The following PRKD1 variants were observed in gnomAD, a reference collection of about 807,000 sequenced individuals.
PRKD1 encodes the protein protein kinase D1.
A neutral mutation model predicts 95.9 loss-of-function variants in PRKD1; 63 were observed. The ratio of observed to expected loss-of-function variants is 0.66; its 90% confidence interval spans 0.54 to 0.81. The LOEUF (loss-of-function observed/expected upper bound fraction) is 0.81, where lower values mean the gene tolerates loss of function less well. PRKD1 is among the 30% of genes least tolerant of loss of function. The pLI, the probability that PRKD1 is intolerant of heterozygous loss-of-function variation, is 0.00. For synonymous variants in PRKD1, 425 were observed against 423.1 expected (o/e 1.00, Z -0.05); for missense variants, 1,048 against 1,165.3 (o/e 0.90, Z 1.47).
chr14:29,725,262 C>G (rs568387410), intron 2 of PRKD1, among the ~76,000 whole-genome samples: 5 of 152,232 alleles, frequency 3.3e-5, no homozygotes, highest in Admixed American at 2.0e-4. Flanking sequence ...ATTCAAGGTG[C>G]TGAATGACGC....
chr14:29,719,183 G>T (rs1469695376), intron 2 of PRKD1, among the ~76,000 whole-genome samples: 1 of 152,074 alleles, frequency 6.6e-6, no homozygotes, highest in Non-Finnish European at 1.5e-5. Context: ...GTGACCCTAA[G>T]ACACTATTTC....
intron 4 of PRKD1, among the ~76,000 whole-genome samples, chr14:29,645,249 A>G (rs1881049395): frequency 1.3e-5 from 2 of 152,186 alleles, no homozygotes; most frequent in Non-Finnish European, 2.9e-5. Context: ...GATATGCAGG[A>G]TATCATGAAC....
chr14:29,634,341 C>T, intron 8 of PRKD1, 77 bp downstream of exon 8: 1 of 1,601,772 alleles, frequency 6.2e-7, no homozygotes, highest in Non-Finnish European at 8.5e-7. Flanking sequence ...AGAAATCTCA[C>T]AGTCCTCACG....
intron 2 of PRKD1, among the ~76,000 whole-genome samples, chr14:29,666,462 C>CA (rs1441083372): frequency 3.3e-5 from 5 of 151,060 alleles, no homozygotes; most frequent in South Asian, 2.1e-4. Flanking sequence ...TAAAAACAGC[C>CA]AAAAAAATAG....
intron 1 of PRKD1, among the ~76,000 whole-genome samples, chr14:29,764,902 T>A (rs1193466625): frequency 6.6e-6 from 1 of 152,212 alleles, no homozygotes. Flanking sequence ...AGTCTCAGAC[T>A]GACAAAGATT....
chr14:29,787,376 T>C (rs970923091), intron 1 of PRKD1, among the ~76,000 whole-genome samples: 2 of 152,042 alleles, frequency 1.3e-5, no homozygotes, highest in South Asian at 4.1e-4. Flanking sequence ...TTAAGTCCAA[T>C]GTTACTTTGC....
intron 2 of PRKD1, among the ~76,000 whole-genome samples, chr14:29,682,964 C>T (rs996688991): frequency 3.9e-5 from 6 of 152,076 alleles, no homozygotes; most frequent in Admixed American, 1.3e-4. Flanking sequence ...AGAGCAAAGC[C>T]GGAAGGGGAG....
rs1241134038 is a variant in PRKD1 at position 29,665,942 on chromosome 14, T to C, written c.535+135A>G. On this transcript the variant is annotated intron_variant, in intron 3 of 17. Transcript: ENST00000331968. The stretch of plus-strand genomic sequence containing the variant: ...ATATGTGCGTATATATATGTATATA[T>C]GTACCACATTTTCTTTATCCACTCA... The C allele has an allele frequency of 3.3e-6, 3 of 921,292 alleles. No individual in the cohort carries two copies. In the African/African-American group the frequency reaches 5.0e-5, roughly 15 times the overall value. 57.1% of individuals were successfully genotyped at this position (921,292 alleles called of 1,614,324 possible). A position where few individuals can be genotyped will look rare whatever the true frequency, so the allele number is the denominator to read the frequency against.
At chr14:29,581,116 T>C (rs1892742470) in intron 16 of PRKD1, among the ~76,000 whole-genome samples, 1 of 152,150 alleles carries the variant, frequency 6.6e-6, no homozygotes. Context: ...AATGGAAAAC[T>C]TTATTCTATA....
At chr14:29,911,336 T>TA (rs1894706061) in intron 1 of PRKD1, among the ~76,000 whole-genome samples, 1 of 152,200 alleles carries the variant, frequency 6.6e-6, no homozygotes, top group Admixed American at 6.5e-5. Flanking sequence ...TCAAATCTGT[T>TA]AGACTTATTA....
At chr14:29,640,603 T>C (rs1880694264) in intron 4 of PRKD1, among the ~76,000 whole-genome samples, 1 of 152,190 alleles carries the variant, frequency 6.6e-6, no homozygotes, top group Non-Finnish European at 1.5e-5. Flanking sequence ...CATGAATATA[T>C]TGAATAAATA....
chr14:29,624,388 GCA>G, intron 12 of PRKD1, 130 bp from the exon 13 acceptor site: 1 of 512,672 alleles, frequency 2.0e-6, no homozygotes, highest in East Asian at 3.3e-5. Context: ...TTTCTAAAGA[GCA>G]CTGACTTACA....
At chr14:29,730,695 TA>T (rs1731922105) in intron 1 of PRKD1, among the ~76,000 whole-genome samples, 1 of 152,036 alleles carries the variant, frequency 6.6e-6, no homozygotes, top group Non-Finnish European at 1.5e-5. Flanking sequence ...CACTCAACCT[TA>T]GAAAGAAATA....
At chr14:29,724,270 A>G (rs1886038741) in intron 2 of PRKD1, among the ~76,000 whole-genome samples, 1 of 152,192 alleles carries the variant, frequency 6.6e-6, no homozygotes, top group Admixed American at 6.6e-5. Context: ...ACATTGACAC[A>G]AGGCAAAAGG....
At position 29,758,179 on chromosome 14, in the gene PRKD1, G is replaced by C. The variant is rs45569241; in HGVS notation, c.265-32505C>G. 3.9e-3 allele frequency among the ~76,000 whole-genome samples: 575 copies of C among 145,616 alleles called. 5 individuals are homozygous for C. Among genetic ancestry groups the C allele is most frequent in the African/African-American group, 0.014 (528 of 38,826 alleles). On this transcript the variant is annotated intron_variant, in intron 1 of 17. Transcript: ENST00000331968. ...TACCAAGAGAGGGAGATTAAAGCAT[G>C]GAAGAGAGAAAGAAAAAAAAAAAAG...
At chr14:29,746,178 C>T (rs976779277) in intron 1 of PRKD1, among the ~76,000 whole-genome samples, 11 of 147,706 alleles carry the variant, frequency 7.4e-5, no homozygotes, top group Non-Finnish European at 1.1e-4. Context: ...TTTGGTGCCA[C>T]TGTGGGAATT....
chr14:29,874,030 A>T (rs985128906), intron 1 of PRKD1, among the ~76,000 whole-genome samples: 2 of 152,182 alleles, frequency 1.3e-5, no homozygotes, highest in African/African-American at 4.8e-5. Context: ...GAGTTCTAAC[A>T]TTCTTCACAA....
intron 1 of PRKD1, among the ~76,000 whole-genome samples, chr14:29,866,015 A>G (rs1346597927): frequency 1.3e-5 from 2 of 152,206 alleles, no homozygotes; most frequent in African/African-American, 4.8e-5. Flanking sequence ...TTTTTAAAAA[A>G]TCTATAATTT....
At chr14:29,717,985 T>C (rs1378878769) in intron 2 of PRKD1, among the ~76,000 whole-genome samples, 1 of 152,090 alleles carries the variant, frequency 6.6e-6, no homozygotes, top group African/African-American at 2.4e-5. Context: ...CCAAGAAAAC[T>C]ATCAAAGTGA....
Sources: allele counts gnomAD v4.1 joint callset (sites outside exome capture counted in the v4.1 genomes callset), GRCh38; gene constraint gnomAD v4.1.1; transcripts MANE v1.5; gene names NCBI Gene and HGNC (gene_info 2026-07-23, HGNC 2026-07-21).